The following ZNF536 variants were observed in gnomAD, a reference collection of about 807,000 sequenced individuals.
ZNF536 encodes the protein zinc finger protein 536.
ZNF536 carries 13 observed loss-of-function variants against 84.5 expected under a neutral mutation model. That is an observed-to-expected ratio of 0.15 (90% CI 0.10 to 0.24). The LOEUF (loss-of-function observed/expected upper bound fraction) is 0.24. Ranked by LOEUF, ZNF536 falls within the 10% of genes least tolerant of loss-of-function variation. The pLI, the probability that ZNF536 is intolerant of heterozygous loss-of-function variation, is 1.00. For synonymous variants in ZNF536, 811 were observed against 742.5 expected (o/e 1.09, Z -1.50); for missense variants, 1,536 against 1,747.5 (o/e 0.88, Z 2.16).
chr19:30,655,178 A>T (rs1377626454), intron 1 of ZNF536, among the ~76,000 whole-genome samples: 6 of 152,174 alleles, frequency 3.9e-5, no homozygotes, highest in Non-Finnish European at 5.9e-5. Flanking sequence ...AAATTTCTAC[A>T]TGTTCTCCCA....
At chr19:30,383,837 T>TCCTC (rs1421267090) in intron 1 of ZNF536, among the ~76,000 whole-genome samples, 2 of 44,194 alleles carry the variant, frequency 4.5e-5, no homozygotes, top group African/African-American at 2.5e-4. Flanking sequence ...TCTCCTTCTT[T>TCCTC]CCTTCCTTCC....
intron 1 of ZNF536, among the ~76,000 whole-genome samples, chr19:30,694,377 G>GA (rs1313180330): frequency 6.6e-6 from 1 of 152,206 alleles, no homozygotes; most frequent in Admixed American, 6.5e-5. Flanking sequence ...TCTGCTGGGT[G>GA]AAAAAACACA....
At chr19:30,284,421 C>A (rs1213643853) in intron 2 of ZNF536, among the ~76,000 whole-genome samples, 1 of 152,214 alleles carries the variant, frequency 6.6e-6, no homozygotes, top group East Asian at 1.9e-4. Context: ...TCCCTATCTG[C>A]CAGCCAGCAG....
At chr19:30,677,120 A>C (rs1357552034) in intron 1 of ZNF536, among the ~76,000 whole-genome samples, 1 of 152,228 alleles carries the variant, frequency 6.6e-6, no homozygotes, top group Admixed American at 6.5e-5. Context: ...TATGAGCCCA[A>C]ATTAATGTAT....
At position 30,534,824 on chromosome 19, in the gene ZNF536, A is replaced by C. The variant is rs767428615; in HGVS notation, c.2171-23A>C. 1.7e-5 allele frequency: 27 copies of C among 1,596,952 alleles called. No homozygotes were observed. The African/African-American group carries it at 3.3e-4, about 20-fold the overall frequency. On this transcript the variant is annotated intron_variant, in intron 2 of 4. Coordinates refer to ENST00000355537, the MANE Select transcript of ZNF536 (RefSeq NM_014717.3). ...TCCTGACATGTGCTGAAGTGATGTG[A>C]GAACGTTTCTCCTTCGCTGCAGACA...
intron 2 of ZNF536, among the ~76,000 whole-genome samples, chr19:30,510,826 G>A (rs186390399): frequency 1.3e-5 from 2 of 152,266 alleles, no homozygotes; most frequent in East Asian, 1.9e-4. Context: ...TTTGAATGCC[G>A]TCACATCAGA....
chr19:30,534,877 G>T lies in ZNF536; in HGVS notation c.2201G>T (p.Gly734Val). The T allele has an allele frequency of 6.2e-7, 1 of 1,613,442 alleles. No homozygotes were observed. The change falls in exon 3 of 5, where the codon GGC becomes GTC. Residue 734 changes from glycine (G) to valine (V), a missense_variant. By Grantham distance (109) the Gly-to-Val change is moderately radical. This residue lies in a region of ZNF536 where 148 missense variants were observed against 205.4 expected (regional missense o/e 0.72). Transcript: ENST00000355537. ...DIGEEAGRSA[G>V]VQQPALLRDR... is the part of the protein sequence containing the mutation. Reference sequence around the variant, plus strand: ...GGCGAGGAGGCTGGGAGATCTGCCGGCGTCCAGCAACCAGCGCTGCTTCGC... The same window carrying T: ...GGCGAGGAGGCTGGGAGATCTGCCGTCGTCCAGCAACCAGCGCTGCTTCGC...
At chr19:30,593,611 C>T (rs2047346247) in intron 1 of ZNF536, among the ~76,000 whole-genome samples, 1 of 152,234 alleles carries the variant, frequency 6.6e-6, no homozygotes, top group Non-Finnish European at 1.5e-5. Context: ...GCAGCCTTGG[C>T]TCTGACCCCA....
Position 30,549,091 on chromosome 19 carries a change from A to G in ZNF536, c.3472A>G (p.Thr1158Ala), listed in dbSNP as rs1823153770. ...CCCCGAAACCACGAGTAAGAACACT[A>G]CTGATGACCTCTCTGACATTGCCTC... ...LIPETTSKNT[T>A]DDLSDIASSE... Residue 1158 changes from threonine (T) to alanine (A), a missense_variant, in exon 4 of 5, where the codon ACT (threonine) becomes GCT (alanine). This residue lies in a region of ZNF536 where 624 missense variants were observed against 603.1 expected (regional missense o/e 1.03). Coordinates refer to ENST00000355537, the MANE Select transcript of ZNF536 (RefSeq NM_014717.3). 1 of 1,614,146 alleles carries G rather than the reference A, an allele frequency of 6.2e-7. No individual in the cohort carries two copies. Among genetic ancestry groups the G allele is most frequent in the Non-Finnish European group, 8.5e-7 (1 of 1,180,034 alleles).
rs1333115455 is a variant in ZNF536, at chr19:30,595,264, C to CA, written c.169+45751dup. On this transcript the variant is annotated intron_variant, in intron 1 of 1. Coordinates refer to the ZNF536 transcript ENST00000592773. The stretch of plus-strand genomic sequence containing the variant: ...CCCTCCATCACTTGGGAGCTGGCAA[C>CA]AGTGGTGAAAATCACGGTTCTTTTT... Among the ~76,000 whole-genome samples the CA allele has an allele frequency of 4.6e-5, 7 of 152,204 alleles. No individual in the cohort carries two copies. In the East Asian group the frequency reaches 1.4e-3, roughly 30 times the overall value.
chr19:30,668,893 G>A (rs2050434484), intron 1 of ZNF536, among the ~76,000 whole-genome samples: 2 of 152,160 alleles, frequency 1.3e-5, no homozygotes, highest in African/African-American at 4.8e-5. Flanking sequence ...TTAGGAAAGG[G>A]ATCCCATACC....
intron 1 of ZNF536, among the ~76,000 whole-genome samples, chr19:30,235,949 C>G (rs1000626010): frequency 3.3e-5 from 5 of 152,246 alleles, no homozygotes; most frequent in African/African-American, 1.2e-4. Context: ...ATGGCTGGAT[C>G]TGTTCATTAA....
At chr19:30,344,440 C>CACA (rs2047674889) in intron 2 of ZNF536, among the ~76,000 whole-genome samples, 1 of 69,182 alleles carries the variant, frequency 1.4e-5, no homozygotes, top group Admixed American at 1.9e-4. Flanking sequence ...AACTCCATCT[C>CACA]AAAAAAAAAA....
At chr19:30,235,417 A>C (rs1568512623) in intron 1 of ZNF536, among the ~76,000 whole-genome samples, 1 of 152,214 alleles carries the variant, frequency 6.6e-6, no homozygotes, top group South Asian at 2.1e-4. Flanking sequence ...AAAAATGTCA[A>C]CCGGAACTTG....
At chr19:30,236,069 G>T (rs748496190) in intron 1 of ZNF536, among the ~76,000 whole-genome samples, 1 of 152,232 alleles carries the variant, frequency 6.6e-6, no homozygotes, top group Non-Finnish European at 1.5e-5. Flanking sequence ...AGCCCAAGAA[G>T]AGTTCAAAAG....
intron 2 of ZNF536, among the ~76,000 whole-genome samples, chr19:30,342,878 T>C (rs1471880139): frequency 6.6e-6 from 1 of 152,282 alleles, no homozygotes; most frequent in Non-Finnish European, 1.5e-5. Flanking sequence ...TTTCTTACAC[T>C]GGTTTGTTCT....
chr19:30,691,449 T>C (rs1402636502), intron 1 of ZNF536, among the ~76,000 whole-genome samples: 1 of 149,106 alleles, frequency 6.7e-6, no homozygotes, highest in East Asian at 2.0e-4. Context: ...GGTGAGGGGG[T>C]GGGAATACCA....
intron 1 of ZNF536, among the ~76,000 whole-genome samples, chr19:30,378,127 C>A (rs1049923891): frequency 2.6e-5 from 4 of 152,264 alleles, no homozygotes; most frequent in Admixed American, 1.3e-4. Context: ...GCTTCTTAGT[C>A]GCCCCAGCCT....
At chr19:30,252,062 A>G (rs960242321) in intron 1 of ZNF536, among the ~76,000 whole-genome samples, 4 of 152,240 alleles carry the variant, frequency 2.6e-5, no homozygotes, top group African/African-American at 9.6e-5. Flanking sequence ...AAGGACTAAT[A>G]TCCAGAATCT....
Sources: gnomAD v4.1 joint callset for allele counts (sites outside exome capture counted in the v4.1 genomes callset) on GRCh38, gnomAD v4.1.1 for gene constraint, gnomAD v4.1.1 regional missense constraint, MANE v1.5 for transcripts, NCBI Gene and HGNC (gene_info 2026-07-23, HGNC 2026-07-21) for gene names.